PCDHGB6: variants seen among roughly 807,000 people sequenced by gnomAD.
PCDHGB6 encodes the protein protocadherin gamma-B6.
Under a neutral mutation model 59.1 loss-of-function variants are expected in PCDHGB6, and 51 were observed. That is an observed-to-expected ratio of 0.86 (90% CI 0.69 to 1.09). The LOEUF is 1.09. Among genes scored for constraint, PCDHGB6 ranks in the 50% least tolerant of loss-of-function variants. The pLI, the probability that PCDHGB6 is intolerant of heterozygous loss-of-function variation, is 0.00. For synonymous variants in PCDHGB6, 466 were observed against 495.1 expected (o/e 0.94, Z 0.78); for missense variants, 1,148 against 1,205.1 (o/e 0.95, Z 0.70).
intron 1 of PCDHGB6, among the ~76,000 whole-genome samples, chr5:141,488,854 A>G (rs923370040): frequency 1.3e-5 from 2 of 152,226 alleles, no homozygotes; most frequent in Admixed American, 1.3e-4. Context: ...AACCTGCAGC[A>G]CGAAGTGAGT....
In PCDHGB6 at chr5:141,430,862, G is replaced by A. The variant is rs1365140768; in HGVS notation, c.2418+20242G>A. ...CGGATGCACCCAGATACGCTATTCA[G>A]TTCCGGAAGAGCTGGAGAAAGGCTC... is the stretch of plus-strand genomic sequence containing the variant. On this transcript the variant is annotated intron_variant, in intron 1 of 3. Transcript: ENST00000520790. 3 of 1,594,672 alleles carry A rather than the reference G, an allele frequency of 1.9e-6. No individual in the cohort carries two copies. The African/African-American group carries it at 4.0e-5, about 21-fold the overall frequency.
Position 141,432,856 on chromosome 5 carries a change from G to A in PCDHGB6, c.2418+22236G>A, listed in dbSNP as rs773243805. 8.7e-6 allele frequency: 14 copies of A among 1,614,024 alleles called. No homozygotes were observed. The highest frequency in any genetic ancestry group is 1.3e-5 in the African/African-American group (1 of 74,908). ...TGTACCTGGTGGTAGCGGTGGCCGC[G>A]GTCTCCTGCGTCTTCCTGGCCTTCG... On this transcript the variant is annotated intron_variant, in intron 1 of 3. Coordinates refer to ENST00000520790, the MANE Select transcript of PCDHGB6 (RefSeq NM_018926.3). The surrounding 1 kb of genome is among the most constrained non-coding windows in gnomAD (Gnocchi z 6.0).
In PCDHGB6 at chr5:141,482,160, T is replaced by C. The variant is rs577572891; in HGVS notation, c.2419-12647T>C. Reference sequence around the variant, plus strand: ...GCATAAAAAGGTCAAGTCAAAGATATGTAAGATTAAGGCTTTACGATGCTC... The same window carrying C: ...GCATAAAAAGGTCAAGTCAAAGATACGTAAGATTAAGGCTTTACGATGCTC... On this transcript the variant is annotated intron_variant, in intron 1 of 3. Coordinates refer to ENST00000520790, the MANE Select transcript of PCDHGB6 (RefSeq NM_018926.3). 1.6e-4 allele frequency among the ~76,000 whole-genome samples: 25 copies of C among 151,966 alleles called. No homozygotes were observed. In the South Asian group the frequency reaches 4.0e-3, roughly 24 times the overall value.
chr5:141,474,772 G>A (rs1053853138), intron 1 of PCDHGB6, among the ~76,000 whole-genome samples: 2 of 152,182 alleles, frequency 1.3e-5, no homozygotes, highest in Non-Finnish European at 2.9e-5. Flanking sequence ...AATAGTATGA[G>A]GCTCTAACAC....
chr5:141,417,785 A>C (rs1273908599), intron 1 of PCDHGB6: 22 of 1,476,018 alleles, frequency 1.5e-5, no homozygotes, highest in Non-Finnish European at 1.7e-5. Context: ...TCCTGGGCCG[A>C]ATGCTCTTTT....
In PCDHGB6 at chr5:141,432,627, C is replaced by G. The variant is rs886117102; in HGVS notation, c.2418+22007C>G. On this transcript the variant is annotated intron_variant, in intron 1 of 3. Transcript: ENST00000520790. This position sits in a 1 kb window ranked among gnomAD's most constrained non-coding sequence, Gnocchi z 6.0. The stretch of plus-strand genomic sequence containing the variant: ...GGACTCTTCTCGGTGGGTCTGCACA[C>G]GGGCGAGGTGCGCACGGCGCGAGCC... The G allele has an allele frequency of 1.2e-6, 2 of 1,613,652 alleles. No individual in the cohort carries two copies. The highest frequency in any genetic ancestry group is 2.7e-5 in the African/African-American group (2 of 74,886).
chr5:141,466,683 A>G (rs1347308492), intron 1 of PCDHGB6, among the ~76,000 whole-genome samples: 1 of 152,170 alleles, frequency 6.6e-6, no homozygotes, highest in African/African-American at 2.4e-5. Context: ...CTTCCACTCA[A>G]GCTTCATCAT....
In PCDHGB6 at chr5:141,491,723, G is replaced by A. The variant is rs764792125; in HGVS notation, c.2419-3084G>A. The A allele has an allele frequency of 1.7e-5, 27 of 1,606,770 alleles. No individual in the cohort carries two copies. In the African/African-American group the frequency reaches 3.2e-4, roughly 19 times the overall value. On this transcript the variant is annotated intron_variant, in intron 1 of 3. Coordinates refer to ENST00000520790, the MANE Select transcript of PCDHGB6 (RefSeq NM_018926.3). The surrounding 1 kb of genome is among the most constrained non-coding windows in gnomAD (Gnocchi z 6.9). The stretch of plus-strand genomic sequence containing the variant: ...CAGGTGAGGGGCTCGGCGCCGCCCC[G>A]GGCGACCCCTGGGGGCGGCACTGGA...
intron 3 of PCDHGB6, among the ~76,000 whole-genome samples, chr5:141,507,625 G>C (rs2099862215): frequency 6.6e-6 from 1 of 152,256 alleles, no homozygotes; most frequent in Non-Finnish European, 1.5e-5. Context: ...AGCTGTTGTG[G>C]CCTTGCGCCC....
At position 141,486,464 on chromosome 5, in the gene PCDHGB6, G is replaced by A; in HGVS notation, c.2419-8343G>A. The A allele has an allele frequency of 1.2e-6, 2 of 1,614,034 alleles. No homozygotes were observed. Among genetic ancestry groups the A allele is most frequent in the Non-Finnish European group, 1.7e-6 (2 of 1,179,946 alleles). On this transcript the variant is annotated intron_variant, in intron 1 of 3. Transcript: ENST00000520790. This position sits in a 1 kb window ranked among gnomAD's most constrained non-coding sequence, Gnocchi z 5.0. ...CATCATGGTCACTGCTTCTGATGCTGGGAACCCTCCTCTCAGTACCCACAG... is the reference window on the plus strand; with the variant it reads ...CATCATGGTCACTGCTTCTGATGCTAGGAACCCTCCTCTCAGTACCCACAG...
rs2095401601 is a variant in PCDHGB6 at position 141,410,505 on chromosome 5, A to T, written c.2303A>T (p.Lys768Ile). The T allele has an allele frequency of 6.2e-7, 1 of 1,613,848 alleles. No homozygotes were observed. Among genetic ancestry groups the T allele is most frequent in the Non-Finnish European group, 8.5e-7 (1 of 1,179,868 alleles). Residue 768 changes from lysine (K) to isoleucine (I), a missense_variant, in exon 1 of 4, where the codon AAA (lysine) becomes ATA (isoleucine). Coordinates refer to ENST00000520790, the MANE Select transcript of PCDHGB6 (RefSeq NM_018926.3). The part of the protein sequence containing the change: ...HTGTKEFNFL[K>I]CSVPLHSNED... ...GGTACAAAAGAGTTTAATTTCCTAAAATGCAGTGTGCCCCTACATTCCAAT... is the reference window on the plus strand; with the variant it reads ...GGTACAAAAGAGTTTAATTTCCTAATATGCAGTGTGCCCCTACATTCCAAT...
In PCDHGB6 at chr5:141,409,008, A is replaced by G. The variant is rs2095209237; in HGVS notation, c.806A>G (p.Gln269Arg). ...SPVLQVTATD[Q>R]DEGVNAEINY... Reference sequence around the variant, plus strand: ...GTGTTGCAAGTGACAGCCACTGACCAGGATGAGGGGGTCAATGCTGAGATA... The same window carrying G: ...GTGTTGCAAGTGACAGCCACTGACCGGGATGAGGGGGTCAATGCTGAGATA... Residue 269 changes from glutamine (Q) to arginine (R), a missense_variant, in exon 1 of 4, where the codon CAG (glutamine) becomes CGG (arginine). Transcript: ENST00000520790. The G allele has an allele frequency of 6.2e-7, 1 of 1,613,898 alleles. No individual in the cohort carries two copies. Among genetic ancestry groups the G allele is most frequent in the African/African-American group, 1.3e-5 (1 of 74,938 alleles).
rs527630741 is a variant in PCDHGB6, at chr5:141,493,568, G to A, written c.2419-1239G>A. ...TTGGAGATTGAGTTCCCCCAGCTCC[G>A]TTTCCTCCTATCACAATCACTGCAT... is the stretch of plus-strand genomic sequence containing the variant. On this transcript the variant is annotated intron_variant, in intron 1 of 3. Coordinates refer to ENST00000520790, the MANE Select transcript of PCDHGB6 (RefSeq NM_018926.3). This position sits in a 1 kb window ranked among gnomAD's most constrained non-coding sequence, Gnocchi z 4.3. 3.9e-5 allele frequency among the ~76,000 whole-genome samples: 6 copies of A among 152,250 alleles called. No homozygotes were observed. Among genetic ancestry groups the A allele is most frequent in the African/African-American group, 9.6e-5 (4 of 41,550 alleles).
chr5:141,431,673 G>A lies in PCDHGB6; in HGVS notation c.2418+21053G>A. On this transcript the variant is annotated intron_variant, in intron 1 of 3. Coordinates refer to ENST00000520790, the MANE Select transcript of PCDHGB6 (RefSeq NM_018926.3). The surrounding 1 kb of genome is among the most constrained non-coding windows in gnomAD (Gnocchi z 4.8). ...AATTCAGGGACAATATCAACAATAG[G>A]GGAGTTGGACCACGAGGAGTCAGGA... 1 of 1,614,214 alleles carries A rather than the reference G, an allele frequency of 6.2e-7. No homozygotes were observed. The highest frequency in any genetic ancestry group is 8.5e-7 in the Non-Finnish European group (1 of 1,180,044).
chr5:141,413,371 C>G (rs752898022), intron 1 of PCDHGB6: 1 of 1,613,966 alleles, frequency 6.2e-7, no homozygotes, highest in Non-Finnish European at 8.5e-7. Context: ...GCTGGCGGAG[C>G]GCGGAGTCCG....
At chr5:141,499,168 C>T (rs1169979036) in intron 2 of PCDHGB6, among the ~76,000 whole-genome samples, 3 of 152,184 alleles carry the variant, frequency 2.0e-5, no homozygotes, top group African/African-American at 7.2e-5. Context: ...GTCTCAAGCT[C>T]TGAGCCCAGC....
chr5:141,505,343 G>C (rs2099845454), intron 2 of PCDHGB6, 50 bp from the exon 3 acceptor site: 1 of 1,612,934 alleles, frequency 6.2e-7, no homozygotes, highest in Non-Finnish European at 8.5e-7. Context: ...GGAGGGGCAT[G>C]AGCTGTGCCG....
chr5:141,431,584 G>A lies in PCDHGB6; in HGVS notation c.2418+20964G>A, dbSNP rs201462681. 7 of 1,614,074 alleles carry A rather than the reference G, an allele frequency of 4.3e-6. No homozygotes were observed. The African/African-American group carries it at 9.3e-5, about 22-fold the overall frequency. On this transcript the variant is annotated intron_variant, in intron 1 of 3. Coordinates refer to ENST00000520790, the MANE Select transcript of PCDHGB6 (RefSeq NM_018926.3). The surrounding 1 kb of genome is among the most constrained non-coding windows in gnomAD (Gnocchi z 4.8). ...CCGACCCTGACGAAGGAGTCAATGC[G>A]GAAGTGAGGTATTCCTTCCGGTATG... is the stretch of plus-strand genomic sequence containing the variant.
chr5:141,502,402 A>T (rs1317862793), intron 2 of PCDHGB6, among the ~76,000 whole-genome samples: 1 of 151,976 alleles, frequency 6.6e-6, no homozygotes, highest in Admixed American at 6.6e-5. Flanking sequence ...AATGTCCCCG[A>T]ACCTGGATTT....
Sources: gnomAD v4.1 joint callset for allele counts (sites outside exome capture counted in the v4.1 genomes callset) on GRCh38, gnomAD v4.1.1 for gene constraint, Gnocchi (gnomAD v3.1) non-coding constraint, MANE v1.5 for transcripts, NCBI Gene and HGNC (gene_info 2026-07-23, HGNC 2026-07-21) for gene names.